The following KCNQ1 variants were observed in gnomAD, a reference collection of about 807,000 sequenced individuals.
The protein encoded by KCNQ1 is potassium voltage-gated channel subfamily Q member 1, also known as potassium voltage-gated channel subfamily KQT member 1.
Under a neutral mutation model 72.4 loss-of-function variants are expected in KCNQ1, and 49 were observed. That is an observed-to-expected ratio of 0.68 (90% CI 0.54 to 0.86). The LOEUF is 0.86. Among genes scored for constraint, KCNQ1 ranks in the 40% least tolerant of loss-of-function variants. The pLI, the probability that KCNQ1 is intolerant of heterozygous loss-of-function variation, is 0.00. For missense variants in KCNQ1, 790 were observed against 945.1 expected (o/e 0.84, Z 2.15); for synonymous variants, 450 against 412.6 (o/e 1.09, Z -1.10).
At chr11:2,749,136 A>G (rs1028457005) in intron 11 of KCNQ1, among the ~76,000 whole-genome samples, 1 of 152,194 alleles carries the variant, frequency 6.6e-6, no homozygotes, top group Non-Finnish European at 1.5e-5. Flanking sequence ...GCCAGGCCAA[A>G]CATCAGAGAC....
intron 11 of KCNQ1, chr11:2,684,146 G>T (rs771373489): frequency 5.0e-6 from 2 of 398,482 alleles, no homozygotes; most frequent in African/African-American, 4.1e-5. Flanking sequence ...TGAAGAATGG[G>T]GTACACCAGA....
intron 11 of KCNQ1, chr11:2,685,226 C>A (rs1670639053): frequency 2.5e-6 from 1 of 398,658 alleles, no homozygotes; most frequent in Non-Finnish European, 4.4e-6. Flanking sequence ...CACGGAGGCA[C>A]TACTTCAGTC....
At position 2,647,289 on chromosome 11, in the gene KCNQ1, A is replaced by G. The variant is rs1564844204; in HGVS notation, c.1394-14672A>G. 2.5e-6 allele frequency: 1 copy of G among 398,116 alleles called. No individual in the cohort carries two copies. Among genetic ancestry groups the G allele is most frequent in the African/African-American group, 2.1e-5 (1 of 48,510 alleles). 24.7% of individuals were successfully genotyped at this position (398,116 alleles called of 1,614,324 possible). A position where few individuals can be genotyped will look rare whatever the true frequency, so the allele number is the denominator to read the frequency against. On this transcript the variant is annotated intron_variant, in intron 10 of 15. Transcript: ENST00000155840. The surrounding 1 kb of genome is among the most constrained non-coding windows in gnomAD (Gnocchi z 4.0). ...TGATGTATCACATTTATTGATTTGT[A>G]TATGTTGAACCATCCTTGAATCCCT...
chr11:2,496,495 C>CTTTTTTTTTTTTTTTTTTTTTTTTTT lies in KCNQ1; in HGVS notation c.387-31408_387-31407insTTTTTTTTTTTTTTTTTTTTTTTTTT. Among the ~76,000 whole-genome samples, 232 of 29,852 alleles carry CTTTTTTTTTTTTTTTTTTTTTTTTTT rather than the reference C, an allele frequency of 7.8e-3. 73 individuals carry two copies. The highest frequency in any genetic ancestry group is 0.012 in the Admixed American group (17 of 1,438). 19.6% of individuals were successfully genotyped at this position (29,852 alleles called of 152,430 possible). On this transcript the variant is annotated intron_variant, in intron 1 of 15. Transcript: ENST00000155840. ...AAAATGGCTAGGATCACAACCCCTGCTTTTTTTTTTTTTTTTTTTTTTTTT... is the reference window on the plus strand; with the variant it reads ...AAAATGGCTAGGATCACAACCCCTGCTTTTTTTTTTTTTTTTTTTTTTTTTTTTTTTTTTTTTTTTTTTTTTTTTTT...
Position 2,565,154 on chromosome 11 carries a change from A to G in KCNQ1, c.478-5474A>G, listed in dbSNP as rs1212618921. Among the ~76,000 whole-genome samples, 1 of 152,156 alleles carries G rather than the reference A, an allele frequency of 6.6e-6. No homozygotes were observed. The highest frequency in any genetic ancestry group is 1.5e-5 in the Non-Finnish European group (1 of 68,032). On this transcript the variant is annotated intron_variant, in intron 2 of 15. Coordinates refer to ENST00000155840, the MANE Select transcript of KCNQ1 (RefSeq NM_000218.3). This position sits in a 1 kb window ranked among gnomAD's most constrained non-coding sequence, Gnocchi z 5.6. ...TTCTGGCATGTTATTTAAACAGACTATTTGTTAGAGCAGTTTTAGGTTCAC... is the reference window on the plus strand; with the variant it reads ...TTCTGGCATGTTATTTAAACAGACTGTTTGTTAGAGCAGTTTTAGGTTCAC...
chr11:2,672,677 G>A, intron 11 of KCNQ1: 1 of 398,754 alleles, frequency 2.5e-6, no homozygotes, highest in Non-Finnish European at 4.4e-6. Flanking sequence ...CTTGCCCAGT[G>A]GACACAGCCA....
intron 10 of KCNQ1, chr11:2,655,641 G>C (rs1849832010): frequency 5.0e-6 from 2 of 398,716 alleles, no homozygotes; most frequent in South Asian, 2.5e-4. Flanking sequence ...GCCTGAAAGA[G>C]GCAGCACCAG....
intron 1 of KCNQ1, among the ~76,000 whole-genome samples, chr11:2,525,521 G>T (rs115114231): frequency 6.6e-6 from 1 of 152,274 alleles, no homozygotes; most frequent in Admixed American, 6.5e-5. Context: ...TGGCCAGGAG[G>T]AGTCCTCAGA....
chr11:2,812,030 G>A (rs918960881), intron 15 of KCNQ1, among the ~76,000 whole-genome samples: 8 of 152,116 alleles, frequency 5.3e-5, no homozygotes, highest in African/African-American at 1.2e-4. Context: ...TCCTGGCACC[G>A]CCGGCCACCC....
intron 6 of KCNQ1, among the ~76,000 whole-genome samples, chr11:2,578,078 T>C (rs1208854337): frequency 6.6e-6 from 1 of 152,234 alleles, no homozygotes; most frequent in Non-Finnish European, 1.5e-5. Context: ...AGACAGGCTC[T>C]AGACTGGGTC....
chr11:2,804,215 C>A (rs1489471585), intron 15 of KCNQ1, among the ~76,000 whole-genome samples: 1 of 152,204 alleles, frequency 6.6e-6, no homozygotes, highest in African/African-American at 2.4e-5. Context: ...TCCCACACCA[C>A]CCATGCCACG....
In KCNQ1 at chr11:2,479,081, A is replaced by T. The variant is rs1408724771; in HGVS notation, c.386+33597A>T. ...ATGCTGATGCAAGAGGTGGGTTCCC[A>T]TAGTCTTGAGCAGCTCTGCCCCTCT... On this transcript the variant is annotated intron_variant, in intron 1 of 15. Transcript: ENST00000155840. The surrounding 1 kb of genome is among the most constrained non-coding windows in gnomAD (Gnocchi z 4.6). Among the ~76,000 whole-genome samples the T allele has an allele frequency of 6.6e-6, 1 of 152,196 alleles. No individual in the cohort carries two copies. The highest frequency in any genetic ancestry group is 1.5e-5 in the Non-Finnish European group (1 of 68,044).
intron 10 of KCNQ1, chr11:2,640,782 T>C: frequency 2.5e-6 from 1 of 398,610 alleles, no homozygotes. Context: ...TTATTTATTC[T>C]AACTAGCTGT....
rs1846444843 is a variant in KCNQ1, at chr11:2,471,048, G to T, written c.386+25564G>T. Among the ~76,000 whole-genome samples the T allele has an allele frequency of 6.6e-6, 1 of 152,042 alleles. No homozygotes were observed. The highest frequency in any genetic ancestry group is 1.5e-5 in the Non-Finnish European group (1 of 68,008). ...GGTGGAGGCTCCCTTTCTGCCCGCG[G>T]GTTCCAGCACATTTGCTGGGATGGC... is the stretch of plus-strand genomic sequence containing the variant. On this transcript the variant is annotated intron_variant, in intron 1 of 15. Coordinates refer to ENST00000155840, the MANE Select transcript of KCNQ1 (RefSeq NM_000218.3). The surrounding 1 kb of genome is among the most constrained non-coding windows in gnomAD (Gnocchi z 4.8).
rs1237221989 is a variant in KCNQ1, at chr11:2,733,840, T to TCG, written c.1515-35003_1515-35002insGC. 1.1e-4 allele frequency among the ~76,000 whole-genome samples: 4 copies of TCG among 36,786 alleles called. 1 individual carries two copies. Among genetic ancestry groups the TCG allele is most frequent in the African/African-American group, 4.2e-4 (2 of 4,752 alleles). 24.1% of individuals were successfully genotyped at this position (36,786 alleles called of 152,430 possible). ...CTCTCTCACTCTCTCTCTCTCTCTC[T>TCG]CTCTCTCTCTCTCTCTCCCCCCCCA... On this transcript the variant is annotated intron_variant, in intron 11 of 15. Transcript: ENST00000155840.
chr11:2,727,244 C>T (rs1845780443), intron 11 of KCNQ1, among the ~76,000 whole-genome samples: 1 of 152,180 alleles, frequency 6.6e-6, no homozygotes, highest in South Asian at 2.1e-4. Context: ...GGGGGATGTG[C>T]TCAGGCCCTG....
chr11:2,795,000 C>T (rs547517131), intron 15 of KCNQ1, among the ~76,000 whole-genome samples: 66 of 152,310 alleles, frequency 4.3e-4, no homozygotes, highest in African/African-American at 9.6e-4. Flanking sequence ...GCAGGCAGCA[C>T]AGTCAAGACC....
intron 11 of KCNQ1, chr11:2,675,128 T>C (rs1297575710): frequency 5.0e-6 from 2 of 398,518 alleles, no homozygotes; most frequent in African/African-American, 4.1e-5. Context: ...CACTAGCCTC[T>C]TTCTCCCATC....
In KCNQ1 at chr11:2,559,859, C is replaced by G. The variant is rs1236812354; in HGVS notation, c.478-10769C>G. On this transcript the variant is annotated intron_variant, in intron 2 of 15. Coordinates refer to ENST00000155840, the MANE Select transcript of KCNQ1 (RefSeq NM_000218.3). The surrounding 1 kb of genome is among the most constrained non-coding windows in gnomAD (Gnocchi z 4.9). ...CAGGGGCTCCTTCCTCCCTCTCTGTCTCTGGGGTCCCATGGGAAGTCAGGG... is the reference window on the plus strand; with the variant it reads ...CAGGGGCTCCTTCCTCCCTCTCTGTGTCTGGGGTCCCATGGGAAGTCAGGG... Among the ~76,000 whole-genome samples, 1 of 151,948 alleles carries G rather than the reference C, an allele frequency of 6.6e-6. No homozygotes were observed. Among genetic ancestry groups the G allele is most frequent in the Non-Finnish European group, 1.5e-5 (1 of 68,008 alleles).
Sources: gnomAD v4.1 joint callset for allele counts (sites outside exome capture counted in the v4.1 genomes callset) on GRCh38, gnomAD v4.1.1 for gene constraint, Gnocchi (gnomAD v3.1) non-coding constraint, MANE v1.5 for transcripts, NCBI Gene and HGNC (gene_info 2026-07-23, HGNC 2026-07-21) for gene names.